SOBP: variants seen among roughly 807,000 people sequenced by gnomAD.
The protein encoded by SOBP is sine oculis-binding protein homolog.
A neutral mutation model predicts 53.6 loss-of-function variants in SOBP; 4 were observed. The ratio of observed to expected loss-of-function variants is 0.07; its 90% CI spans 0.04 to 0.17. The LOEUF (loss-of-function observed/expected upper bound fraction) is 0.17. SOBP is among the 10% of genes least tolerant of loss of function. SOBP has a pLI of 1.00. For missense variants in SOBP, 1,088 were observed against 1,204.7 expected (o/e 0.90, Z 1.43); for synonymous variants, 584 against 522.6 (o/e 1.12, Z -1.60).
At chr6:107,573,030 T>C (rs1785120885) in intron 4 of SOBP, among the ~76,000 whole-genome samples, 1 of 152,128 alleles carries the variant, frequency 6.6e-6, no homozygotes, top group Admixed American at 6.5e-5. Context: ...GAGATGCTGC[T>C]CAGGACATAC....
intron 4 of SOBP, among the ~76,000 whole-genome samples, chr6:107,541,632 C>T (rs1283240668): frequency 6.6e-6 from 1 of 152,110 alleles, no homozygotes; most frequent in Non-Finnish European, 1.5e-5. Flanking sequence ...GCCAGACATT[C>T]CATGGTAAAG....
intron 6 of SOBP, among the ~76,000 whole-genome samples, chr6:107,641,421 C>T (rs578018723): frequency 1.9e-4 from 29 of 152,266 alleles, no homozygotes; most frequent in South Asian, 6.2e-4. Flanking sequence ...AAAATTTGTA[C>T]GATACAGGGA....
At chr6:107,611,847 C>A (rs184109563) in intron 5 of SOBP, among the ~76,000 whole-genome samples, 24 of 152,062 alleles carry the variant, frequency 1.6e-4, no homozygotes, top group Non-Finnish European at 3.1e-4. Flanking sequence ...CTAATTCCAT[C>A]GGGAAAACTG....
chr6:107,558,210 A>G (rs1384946428), intron 4 of SOBP: 3 of 152,122 alleles, frequency 2.0e-5, no homozygotes, highest in Non-Finnish European at 2.9e-5. Context: ...TTCAGATGAG[A>G]GAACATAAAA....
chr6:107,505,012 T>A (rs1036301473), intron 2 of SOBP, among the ~76,000 whole-genome samples: 1 of 152,200 alleles, frequency 6.6e-6, no homozygotes, highest in African/African-American at 2.4e-5. Flanking sequence ...TTTTGTTCAT[T>A]TGTTTTTTTA....
At chr6:107,596,722 A>G (rs1785960114) in intron 5 of SOBP, among the ~76,000 whole-genome samples, 1 of 152,212 alleles carries the variant, frequency 6.6e-6, no homozygotes, top group South Asian at 2.1e-4. Flanking sequence ...ATGGAGATAC[A>G]TAGGTAGATG....
At chr6:107,591,985 T>TGTTTTG (rs200366034) in intron 5 of SOBP, among the ~76,000 whole-genome samples, 1,954 of 143,884 alleles carry the variant, frequency 0.014, 57 homozygotes, top group African/African-American at 0.046. Flanking sequence ...TTTTTTTTTT[T>TGTTTTG]TTTTTTTGTA....
At chr6:107,656,341 AAGAG>A (rs66616293) in intron 6 of SOBP, among the ~76,000 whole-genome samples, 1 of 65,310 alleles carries the variant, frequency 1.5e-5, no homozygotes, top group Non-Finnish European at 4.1e-5. Flanking sequence ...GAAAGAAAGA[AAGAG>A]AAAGAAAGAA....
intron 6 of SOBP, among the ~76,000 whole-genome samples, chr6:107,653,827 T>C (rs1304057780): frequency 1.3e-5 from 2 of 152,030 alleles, no homozygotes; most frequent in African/African-American, 4.8e-5. Context: ...CTTTTGGGAG[T>C]GGTTGCCTGG....
At chr6:107,538,533 C>G (rs1026756115) in intron 4 of SOBP, among the ~76,000 whole-genome samples, 2 of 152,146 alleles carry the variant, frequency 1.3e-5, no homozygotes, top group Non-Finnish European at 2.9e-5. Context: ...TGTGGATTCC[C>G]CTTGGTTTTA....
chr6:107,565,387 GTC>G (rs1784885206), intron 4 of SOBP, among the ~76,000 whole-genome samples: 2 of 152,148 alleles, frequency 1.3e-5, no homozygotes, highest in Non-Finnish European at 2.9e-5. Context: ...CTCAGAGACT[GTC>G]TCATGGTAGA....
intron 1 of SOBP, among the ~76,000 whole-genome samples, chr6:107,491,098 C>A (rs1782569106): frequency 6.6e-6 from 1 of 152,150 alleles, no homozygotes; most frequent in Non-Finnish European, 1.5e-5. Context: ...TTAGGAGCCT[C>A]CTGGCCGGGG....
At chr6:107,640,104 G>A (rs1285687483) in intron 6 of SOBP, among the ~76,000 whole-genome samples, 1 of 152,160 alleles carries the variant, frequency 6.6e-6, no homozygotes, top group Non-Finnish European at 1.5e-5. Flanking sequence ...AGAAACAACT[G>A]TTCCAAGGCA....
At chr6:107,491,257 C>A (rs566251585) in intron 1 of SOBP, among the ~76,000 whole-genome samples, 3 of 152,300 alleles carry the variant, frequency 2.0e-5, no homozygotes, top group South Asian at 4.1e-4. Context: ...GGTCTGGGCA[C>A]GGTCCTGACC....
intron 3 of SOBP, among the ~76,000 whole-genome samples, chr6:107,506,937 T>TAGCTAGTAATC (rs1303552127): frequency 6.6e-6 from 1 of 151,730 alleles, no homozygotes; most frequent in African/African-American, 2.4e-5. Context: ...GGCTAGTAAT[T>TAGCTAGTAATC]AGCTAGTAAT....
intron 4 of SOBP, among the ~76,000 whole-genome samples, chr6:107,536,918 C>T (rs1784015480): frequency 6.6e-6 from 1 of 152,118 alleles, no homozygotes; most frequent in Non-Finnish European, 1.5e-5. Context: ...TTTGAAACAG[C>T]GGGTAAGAAA....
At chr6:107,496,403 C>T (rs1322885876) in intron 1 of SOBP, among the ~76,000 whole-genome samples, 5 of 152,166 alleles carry the variant, frequency 3.3e-5, no homozygotes, top group African/African-American at 1.2e-4. Flanking sequence ...CTCTGTATCA[C>T]GACGAGACAG....
chr6:107,506,792 T>G (rs911601387), intron 3 of SOBP, among the ~76,000 whole-genome samples: 1 of 152,074 alleles, frequency 6.6e-6, no homozygotes, highest in Admixed American at 6.6e-5. Flanking sequence ...TAACCATGGT[T>G]GGCTTGTAAT....
rs188697677 is a variant in SOBP at position 107,580,717 on chromosome 6, C to T, written c.574-6363C>T. 6.6e-5 allele frequency among the ~76,000 whole-genome samples: 10 copies of T among 152,192 alleles called. No homozygotes were observed. The East Asian group carries it at 9.7e-4, about 15-fold the overall frequency. On this transcript the variant is annotated intron_variant, in intron 4 of 6. Coordinates refer to ENST00000317357, the MANE Select transcript of SOBP (RefSeq NM_018013.4). ...TCAACAGGGACGTGGAGGAGAGAAA[C>T]GTGGGGCAAAAAGATGATTGGCCAA...
Sources: allele counts gnomAD v4.1 joint callset (sites outside exome capture counted in the v4.1 genomes callset), GRCh38; gene constraint gnomAD v4.1.1; transcripts MANE v1.5; gene names NCBI Gene and HGNC (gene_info 2026-07-23, HGNC 2026-07-21).